The following MYZAP variants were observed in gnomAD, a reference collection of about 807,000 sequenced individuals.
MYZAP encodes myocardial zonula adherens protein, also known as GRINL1A complex locus upstream.
In MYZAP, 66 loss-of-function variants were observed where a neutral mutation model predicts 69.4. The ratio of observed to expected loss-of-function variants is 0.95; its 90% CI spans 0.78 to 1.17. MYZAP has a LOEUF of 1.17. Among genes scored for constraint, MYZAP ranks in the 50% most tolerant of loss-of-function variants. The pLI is 0.00. For synonymous variants in MYZAP, 256 were observed against 205.9 expected (o/e 1.24, Z -2.09); for missense variants, 611 against 556.2 (o/e 1.10, Z -0.99).
At chr15:57,641,149 A>G (rs1244025823) in intron 10 of MYZAP, among the ~76,000 whole-genome samples, 2 of 152,140 alleles carry the variant, frequency 1.3e-5, no homozygotes, top group African/African-American at 4.8e-5. Flanking sequence ...TCATTCTTGT[A>G]TCTAATCGTT....
intron 6 of MYZAP, among the ~76,000 whole-genome samples, chr15:57,632,104 G>T (rs766682662): frequency 6.6e-6 from 1 of 152,210 alleles, no homozygotes; most frequent in Non-Finnish European, 1.5e-5. Flanking sequence ...GAGCTTAGCT[G>T]GTCTTACCTA....
At chr15:57,675,182 G>A in intron 12 of MYZAP, 114 bp downstream of exon 12, 1 of 980,180 alleles carries the variant, frequency 1.0e-6, no homozygotes, top group Non-Finnish European at 1.5e-6. Context: ...AAATATTTCT[G>A]CAAAGCCGAG....
At chr15:57,618,781 T>A (rs577612218) in intron 3 of MYZAP, among the ~76,000 whole-genome samples, 3 of 152,362 alleles carry the variant, frequency 2.0e-5, no homozygotes, top group African/African-American at 7.2e-5. Context: ...GAGTATTTTC[T>A]TCTTCTCTCT....
intron 5 of MYZAP, 43 bp downstream of exon 5, chr15:57,625,935 T>A: frequency 6.4e-7 from 1 of 1,560,348 alleles, no homozygotes; most frequent in Non-Finnish European, 8.8e-7. Context: ...CCCAGCTTAA[T>A]CAAGAGTGGG....
chr15:57,648,511 C>T (rs2037562981), intron 10 of MYZAP: 1 of 982,294 alleles, frequency 1.0e-6, no homozygotes. Flanking sequence ...TCAATCATCT[C>T]TGGAAGGTAT....
At chr15:57,645,466 G>C (rs1431350308) in intron 10 of MYZAP, among the ~76,000 whole-genome samples, 1 of 152,150 alleles carries the variant, frequency 6.6e-6, no homozygotes, top group East Asian at 1.9e-4. Flanking sequence ...CAACAAGTAT[G>C]GACTTTAGCA....
chr15:57,676,964 G>A (rs2039170542), intron 12 of MYZAP, among the ~76,000 whole-genome samples: 2 of 152,188 alleles, frequency 1.3e-5, no homozygotes, highest in Admixed American at 1.3e-4. Flanking sequence ...TCAATCAGCA[G>A]AGGAAATGAA....
intron 3 of MYZAP, 46 bp downstream of exon 3, chr15:57,618,234 A>G (rs1228769602): frequency 6.3e-7 from 1 of 1,592,720 alleles, no homozygotes; most frequent in Non-Finnish European, 8.5e-7. Flanking sequence ...TTCTTTTTGT[A>G]GCATGCAAGA....
Position 57,633,706 on chromosome 15 carries a change from G to C in MYZAP, c.898G>C (p.Gly300Arg). 6.2e-7 allele frequency: 1 copy of C among 1,612,384 alleles called. No homozygotes were observed. Among genetic ancestry groups the C allele is most frequent in the East Asian group, 2.2e-5 (1 of 44,768 alleles). ...CCTAGAGGAGAAAGACCAGAGGATCGGGGAGCTGGACAGGCTGATTGAGCG... is the reference window on the plus strand; with the variant it reads ...CCTAGAGGAGAAAGACCAGAGGATCCGGGAGCTGGACAGGCTGATTGAGCG... ...ISLEEKDQRI[G>R]ELDRLIERME... The change falls in exon 8 of 13, where the codon GGG becomes CGG. Residue 300 changes from glycine to arginine, a missense_variant. Physicochemically the swap from Gly to Arg is moderately radical, Grantham distance 125 (BLOSUM62 -2). Transcript: ENST00000267853.
intron 10 of MYZAP, among the ~76,000 whole-genome samples, chr15:57,658,085 C>G (rs557760162): frequency 6.6e-6 from 1 of 152,194 alleles, no homozygotes; most frequent in Non-Finnish European, 1.5e-5. Context: ...TTTTTTGACA[C>G]CATGTGAAAT....
intron 7 of MYZAP, 22 bp from the exon 8 acceptor site, chr15:57,633,590 AG>A: frequency 6.2e-7 from 1 of 1,606,698 alleles, no homozygotes; most frequent in Middle Eastern, 1.7e-4. Flanking sequence ...GCCTGTACTT[AG>A]GAGGGTATAT....
chr15:57,671,515 C>T (rs2038866355), intron 11 of MYZAP, among the ~76,000 whole-genome samples: 1 of 152,078 alleles, frequency 6.6e-6, no homozygotes, highest in Non-Finnish European at 1.5e-5. Context: ...GACTAAAAAA[C>T]CCGTATGTTA....
At chr15:57,638,683 A>G (rs1303950320) in intron 9 of MYZAP, among the ~76,000 whole-genome samples, 2 of 152,204 alleles carry the variant, frequency 1.3e-5, no homozygotes, top group African/African-American at 2.4e-5. Context: ...TTGTAAAACA[A>G]AAGTATGAAA....
At chr15:57,676,201 C>T (rs2140637931) in intron 12 of MYZAP, among the ~76,000 whole-genome samples, 1 of 152,072 alleles carries the variant, frequency 6.6e-6, no homozygotes, top group South Asian at 2.1e-4. Flanking sequence ...GTAAGGCCTC[C>T]TTTCCTTACT....
chr15:57,643,251 G>A (rs758922839), intron 10 of MYZAP, among the ~76,000 whole-genome samples: 3 of 152,346 alleles, frequency 2.0e-5, no homozygotes, highest in African/African-American at 4.8e-5. Context: ...CACCCGCTCC[G>A]TGCTGGGGCT....
intron 10 of MYZAP, among the ~76,000 whole-genome samples, chr15:57,644,096 G>A (rs2037315698): frequency 6.6e-6 from 1 of 152,176 alleles, no homozygotes; most frequent in Non-Finnish European, 1.5e-5. Context: ...CTGAGCATTG[G>A]GTTTTGTTTC....
intron 2 of MYZAP, among the ~76,000 whole-genome samples, chr15:57,616,802 T>A (rs2035480296): frequency 8.6e-6 from 1 of 116,206 alleles, no homozygotes; most frequent in Non-Finnish European, 1.8e-5. Context: ...AGAGTGAGAC[T>A]CCATCTAAAA....
chr15:57,633,451 C>T (rs938475747), intron 7 of MYZAP, among the ~76,000 whole-genome samples, 162 bp from the exon 8 acceptor site: 8 of 152,094 alleles, frequency 5.3e-5, no homozygotes, highest in Non-Finnish European at 1.2e-4. Context: ...TAGGTGAGAA[C>T]CAGAACCGTG....
chr15:57,595,538 G>A (rs188271093), intron 1 of MYZAP, among the ~76,000 whole-genome samples: 59 of 151,054 alleles, frequency 3.9e-4, no homozygotes, highest in Admixed American at 3.8e-3. Flanking sequence ...GCTTTGCGGG[G>A]AAGGCATGTG....
Sources: allele counts gnomAD v4.1 joint callset (sites outside exome capture counted in the v4.1 genomes callset), GRCh38; gene constraint gnomAD v4.1.1; transcripts MANE v1.5; gene names NCBI Gene and HGNC (gene_info 2026-07-23, HGNC 2026-07-21).